Variants in SLC6A19 observed in about 807,000 individuals in gnomAD.
SLC6A19 encodes solute carrier family 6 member 19, also known as sodium-dependent neutral amino acid transporter B(0)AT1.
A neutral mutation model predicts 68.3 loss-of-function variants in SLC6A19; 67 were observed. That is an observed-to-expected ratio of 0.98 (90% CI 0.81 to 1.20). The LOEUF (loss-of-function observed/expected upper bound fraction) is 1.20, where lower values mean the gene tolerates loss of function less well. SLC6A19 is among the 50% of genes most tolerant of loss of function. The pLI is 0.00. For missense variants in SLC6A19, 813 were observed against 851.6 expected, an observed-to-expected ratio of 0.95 and a Z score of 0.56; for synonymous variants, 392 against 374.9, an observed-to-expected ratio of 1.05 and a Z score of -0.53.
Position 1,224,418 on chromosome 5 carries a change from G to A in SLC6A19, c.*2514G>A, listed in dbSNP as rs2126519935. 1 of 152,404 alleles carries A rather than the reference G, an allele frequency of 6.6e-6. No individual in the cohort carries two copies. The highest frequency in any genetic ancestry group is 6.5e-5 in the Admixed American group (1 of 15,312). The allele number at this position is 152,404 out of a possible 1,614,324, so 9.4% of individuals were successfully genotyped here. ...AGTTACTGTTGTCCAGACGTAGAGG[G>A]ATGAGTGAGCCAGTGACCTCAGACG... On this transcript the variant is annotated 3_prime_UTR_variant, in exon 12 of 12. Transcript: ENST00000304460.
At chr5:1,213,796 C>T (rs1352988734) in intron 5 of SLC6A19, among the ~76,000 whole-genome samples, 157 bp from the exon 6 acceptor site, 4 of 152,014 alleles carry the variant, frequency 2.6e-5, no homozygotes, top group African/African-American at 9.7e-5. Flanking sequence ...CCGACGGAGC[C>T]CCCACAGGGA....
chr5:1,216,786 C>A lies in SLC6A19; in HGVS notation c.1017-3C>A. Reference sequence around the variant, plus strand: ...TGGCCGTCAGCCTCAATCTGACCCGCAGGAACATCCTGACCCTCATCAACG... The same window carrying A: ...TGGCCGTCAGCCTCAATCTGACCCGAAGGAACATCCTGACCCTCATCAACG... On this transcript the variant is annotated splice_polypyrimidine_tract_variant and splice_region_variant and intron_variant, in intron 7 of 11. Coordinates refer to ENST00000304460, the MANE Select transcript of SLC6A19 (RefSeq NM_001003841.3). The A allele has an allele frequency of 6.2e-7, 1 of 1,613,772 alleles. No homozygotes were observed. The highest frequency in any genetic ancestry group is 8.5e-7 in the Non-Finnish European group (1 of 1,180,036).
Position 1,210,538 on chromosome 5 carries a change from G to T in SLC6A19, c.438G>T (p.Glu146Asp), listed in dbSNP as rs756186179. 1 of 1,613,354 alleles carries T rather than the reference G, an allele frequency of 6.2e-7. No homozygotes were observed. Among genetic ancestry groups the T allele is most frequent in the Non-Finnish European group, 8.5e-7 (1 of 1,180,018 alleles). Residue 146 changes from glutamate to aspartate, a missense_variant, in exon 3 of 12, where the codon GAG becomes GAT. Physicochemically the swap from Glu to Asp is conservative, Grantham distance 45. Transcript: ENST00000304460. ...IMWYLFNSFQ[E>D]PLPWSDCPLN... ...GGTACTTATTCAACTCCTTCCAGGA[G>T]CCTCTGCCCTGGAGCGACTGCCCGC...
rs572721208 is a variant in SLC6A19, at chr5:1,215,439, G to A, written c.888-1119G>A. ...TGTCCTCCTGCCCCGGGTGAGCACTGATGCGCTCTCTGCCTCTGTGGCTGT... is the reference window on the plus strand; with the variant it reads ...TGTCCTCCTGCCCCGGGTGAGCACTAATGCGCTCTCTGCCTCTGTGGCTGT... On this transcript the variant is annotated intron_variant, in intron 6 of 11. Coordinates refer to ENST00000304460, the MANE Select transcript of SLC6A19 (RefSeq NM_001003841.3). This position sits in a 1 kb window ranked among gnomAD's most constrained non-coding sequence, Gnocchi z 5.1. Among the ~76,000 whole-genome samples the A allele has an allele frequency of 2.6e-5, 4 of 152,350 alleles. No individual in the cohort carries two copies. Among genetic ancestry groups the A allele is most frequent in the African/African-American group, 4.8e-5 (2 of 41,578 alleles).
rs750183032 is a variant in SLC6A19, at chr5:1,216,628, G to T, written c.958G>T (p.Val320Leu). 3 of 1,613,948 alleles carry T rather than the reference G, an allele frequency of 1.9e-6. No individual in the cohort carries two copies. The Admixed American group carries it at 5.0e-5, about 27-fold the overall frequency. Residue 320 changes from valine to leucine, a missense_variant, in exon 7 of 12, where the codon GTG becomes TTG. Coordinates refer to ENST00000304460, the MANE Select transcript of SLC6A19 (RefSeq NM_001003841.3). Reference protein sequence around the residue: ...NGFTSVYVAIVVYSVIGFRAT... With the variant: ...NGFTSVYVAILVYSVIGFRAT... Reference sequence around the variant, plus strand: ...CTTCACATCGGTGTATGTGGCCATCGTGGTCTACTCCGTCATTGGGTTCCG... The same window carrying T: ...CTTCACATCGGTGTATGTGGCCATCTTGGTCTACTCCGTCATTGGGTTCCG...
At chr5:1,216,732 G>A in intron 7 of SLC6A19, 46 bp downstream of exon 7, 2 of 1,613,676 alleles carry the variant, frequency 1.2e-6, no homozygotes, top group Non-Finnish European at 1.7e-6. Context: ...TGCGCCTCCA[G>A]GAAGCCTCCC....
In SLC6A19 at chr5:1,221,304, C is replaced by T. The variant is rs1252243762; in HGVS notation, c.1692C>T (p.Asp564=). ...VSQELTYSIW[D]PGYEEFPKSQ... is the part of the protein sequence containing the mutation. ...AGGAGCTGACCTACAGCATCTGGGA[C>T]CCTGGCTACGTAAGTGTCCAGGCAG... The change falls in exon 11 of 12, where the codon GAC becomes GAT. Residue 564 remains aspartate, a synonymous_variant. Transcript: ENST00000304460. The T allele has an allele frequency of 6.2e-7, 1 of 1,613,590 alleles. No homozygotes were observed. The highest frequency in any genetic ancestry group is 8.5e-7 in the Non-Finnish European group (1 of 1,180,012).
intron 8 of SLC6A19, 115 bp from the exon 9 acceptor site, chr5:1,218,788 G>T: frequency 3.8e-6 from 4 of 1,054,164 alleles, no homozygotes; most frequent in Non-Finnish European, 5.7e-6. Context: ...TTTCATGACA[G>T]CTCAGACCTG....
rs772220705 is a variant in SLC6A19, at chr5:1,208,747, A to G, written c.204A>G (p.Gly68=). The G allele has an allele frequency of 6.2e-7, 1 of 1,613,318 alleles. No individual in the cohort carries two copies. Among genetic ancestry groups the G allele is most frequent in the Admixed American group, 1.7e-5 (1 of 60,024 alleles). ...CATGGTGGACTCCTCCCATTGCAGG[A>G]GCCTTCATGATCCCGTTCCTCATCC... ...FPYLCQSHGG[G]AFMIPFLILL... is the part of the protein sequence containing the mutation. Residue 68 remains glycine, a splice_region_variant and synonymous_variant, in exon 2 of 12, where the codon GGA becomes GGG. Coordinates refer to ENST00000304460, the MANE Select transcript of SLC6A19 (RefSeq NM_001003841.3).
In SLC6A19 at chr5:1,212,462, G is replaced by A. The variant is rs143274116; in HGVS notation, c.641G>A (p.Arg214His). Residue 214 changes from arginine to histidine, a missense_variant, in exon 4 of 12, where the codon CGC becomes CAC. Coordinates refer to ENST00000304460, the MANE Select transcript of SLC6A19 (RefSeq NM_001003841.3). The surrounding 1 kb of genome is among the most constrained non-coding windows in gnomAD (Gnocchi z 5.1). ...AGCGTCCTGTACATGTGCACCATCC[G>A]CGGCATCGAGACCACCGGGAAGGTA... is the stretch of plus-strand genomic sequence containing the variant. ...AWSVLYMCTIRGIETTGKAVY... is the reference protein window; with the variant it reads ...AWSVLYMCTIHGIETTGKAVY... 149 of 1,608,612 alleles carry A rather than the reference G, an allele frequency of 9.3e-5. No individual in the cohort carries two copies. Among genetic ancestry groups the A allele is most frequent in the East Asian group, 4.7e-4 (21 of 44,880 alleles).
rs28528167 is a variant in SLC6A19, at chr5:1,202,698, C to T, written c.202+846C>T. Among the ~76,000 whole-genome samples the T allele has an allele frequency of 2.3e-3, 346 of 151,100 alleles. 2 individuals carry two copies. Among genetic ancestry groups the T allele is most frequent in the African/African-American group, 7.9e-3 (325 of 41,086 alleles). ...GCCCTGGGGCAGTTCACGGGGGGGC[C>T]GTGAAGGTCTCAGCCTCCGTTTAGA... On this transcript the variant is annotated intron_variant, in intron 1 of 11. Coordinates refer to ENST00000304460, the MANE Select transcript of SLC6A19 (RefSeq NM_001003841.3).
At chr5:1,218,182 C>T (rs1313578169) in intron 8 of SLC6A19, among the ~76,000 whole-genome samples, 1 of 152,238 alleles carries the variant, frequency 6.6e-6, no homozygotes, top group Non-Finnish European at 1.5e-5. Flanking sequence ...AGGGGTTCCA[C>T]TCTTGCCTCT....
rs745726344 is a variant in SLC6A19, at chr5:1,210,560, C to A, written c.460C>A (p.Pro154Thr). The A allele has an allele frequency of 6.2e-7, 1 of 1,613,090 alleles. No homozygotes were observed. Among genetic ancestry groups the A allele is most frequent in the Non-Finnish European group, 8.5e-7 (1 of 1,180,012 alleles). ...FQEPLPWSDC[P>T]LNENQTGYVD... ...GGAGCCTCTGCCCTGGAGCGACTGC[C>A]CGCTCAACGAGAACCAGACAGGTGA... The change falls in exon 3 of 12, where the codon CCG (proline) becomes ACG (threonine). Residue 154 changes from proline to threonine, a missense_variant. Coordinates refer to ENST00000304460, the MANE Select transcript of SLC6A19 (RefSeq NM_001003841.3).
At chr5:1,218,822 G>A (rs2126511898) in intron 8 of SLC6A19, 81 bp from the exon 9 acceptor site, 3 of 1,474,760 alleles carry the variant, frequency 2.0e-6, no homozygotes, top group African/African-American at 1.4e-5. Context: ...GCGTGGCTTG[G>A]CGACGCACGA....
At chr5:1,221,557 G>A (rs1746382204) in intron 11 of SLC6A19, 144 bp from the exon 12 acceptor site, 1 of 1,136,090 alleles carries the variant, frequency 8.8e-7, no homozygotes, top group Non-Finnish European at 1.3e-6. Flanking sequence ...GGAGGTAGGG[G>A]AAAGGGGAAG....
intron 10 of SLC6A19, among the ~76,000 whole-genome samples, chr5:1,220,409 CAAA>C (rs70957336): frequency 2.9e-4 from 31 of 105,650 alleles, no homozygotes; most frequent in Admixed American, 7.0e-4. Flanking sequence ...GGCTCCATCT[CAAA>C]AAAAAAAAAA....
intron 1 of SLC6A19, among the ~76,000 whole-genome samples, chr5:1,205,206 C>A (rs1455507294): frequency 2.0e-5 from 3 of 152,250 alleles, no homozygotes; most frequent in Non-Finnish European, 4.4e-5. Flanking sequence ...ACGCAGTGTT[C>A]CCTGGGCGCT....
intron 1 of SLC6A19, among the ~76,000 whole-genome samples, chr5:1,202,636 G>A (rs1745741805): frequency 6.6e-6 from 1 of 152,102 alleles, no homozygotes; most frequent in African/African-American, 2.4e-5. Context: ...GGAAGGTCCA[G>A]GAGGGCCGGG....
chr5:1,221,164 A>G lies in SLC6A19; in HGVS notation c.1552A>G (p.Ile518Val), dbSNP rs765396620. The change falls in exon 11 of 12, where the codon ATC (isoleucine) becomes GTC (valine). Residue 518 changes from isoleucine (I) to valine (V), a missense_variant. Transcript: ENST00000304460. Reference protein sequence around the residue: ...VYGVDRFNKDIEFMIGHKPNI... With the variant: ...VYGVDRFNKDVEFMIGHKPNI... ...TGGCCTTGGCAGGTTCAATAAGGAC[A>G]TCGAGTTCATGATCGGCCACAAGCC... 4 of 1,613,878 alleles carry G rather than the reference A, an allele frequency of 2.5e-6. No homozygotes were observed. The South Asian group carries it at 3.3e-5, about 13-fold the overall frequency.
Sources: allele counts gnomAD v4.1 joint callset (sites outside exome capture counted in the v4.1 genomes callset), GRCh38; gene constraint gnomAD v4.1.1; non-coding constraint Gnocchi (gnomAD v3.1); transcripts MANE v1.5; gene names NCBI Gene and HGNC (gene_info 2026-07-23, HGNC 2026-07-21).